RAPGEF4: variants seen among roughly 807,000 people sequenced by gnomAD.
RAPGEF4 encodes the protein RAP guanine-nucleotide-exchange factor (GEF) 4.
Under a neutral mutation model 147.9 loss-of-function variants are expected in RAPGEF4, and 66 were observed. That is an observed-to-expected ratio of 0.45 (90% CI 0.37 to 0.55). RAPGEF4 has a LOEUF of 0.55. RAPGEF4 is among the 20% of genes least tolerant of loss of function. The probability of loss-of-function intolerance (pLI) is 0.00; values close to 1 mark genes in which losing one functional copy is unlikely to be tolerated. For synonymous variants in RAPGEF4, 419 were observed against 442.7 expected (o/e 0.95, Z 0.67); for missense variants, 1,071 against 1,257.3 (o/e 0.85, Z 2.24).
At chr2:172,892,947 A>G (rs772771008) in intron 4 of RAPGEF4, among the ~76,000 whole-genome samples, 17 of 152,252 alleles carry the variant, frequency 1.1e-4, no homozygotes, top group South Asian at 4.1e-4. Context: ...CTTTAAACTG[A>G]TAAGTAAAAG....
intron 1 of RAPGEF4, among the ~76,000 whole-genome samples, chr2:172,770,647 T>C (rs1683456010): frequency 6.6e-6 from 1 of 152,194 alleles, no homozygotes; most frequent in African/African-American, 2.4e-5. Flanking sequence ...ACCCACAGCA[T>C]GTATTATGGT....
chr2:172,767,335 T>A (rs192740388), intron 1 of RAPGEF4, among the ~76,000 whole-genome samples: 1 of 152,086 alleles, frequency 6.6e-6, no homozygotes, highest in South Asian at 2.1e-4. Flanking sequence ...TGCGCCACCA[T>A]GCCCGGCTAG....
At chr2:172,735,465 A>C (rs983509492), upstream of RAPGEF4, 1 of 152,268 alleles carries the variant, frequency 6.6e-6, no homozygotes, top group Non-Finnish European at 1.5e-5. Context: ...TGGGTTTCTA[A>C]GGAAACAGAG....
intron 6 of RAPGEF4, among the ~76,000 whole-genome samples, chr2:172,937,767 G>C (rs10754979): frequency 0.81 from 123,021 of 152,066 alleles, 51,835 homozygotes; most frequent in East Asian, 0.98. Flanking sequence ...AGGGGGATTT[G>C]TCTCCTTTCC....
At chr2:172,795,941 A>T (rs906013140) in intron 2 of RAPGEF4, among the ~76,000 whole-genome samples, 13 of 152,212 alleles carry the variant, frequency 8.5e-5, no homozygotes, top group African/African-American at 2.9e-4. Context: ...ATTTACTGAT[A>T]CAAAAACATC....
intron 6 of RAPGEF4, among the ~76,000 whole-genome samples, chr2:172,933,555 T>A (rs977111032): frequency 4.0e-5 from 6 of 151,622 alleles, no homozygotes; most frequent in African/African-American, 1.5e-4. Flanking sequence ...GACTAGAGAG[T>A]GATAATGAGA....
intron 6 of RAPGEF4, among the ~76,000 whole-genome samples, chr2:172,924,886 A>G (rs994008921): frequency 3.3e-5 from 5 of 151,066 alleles, no homozygotes; most frequent in Admixed American, 3.3e-4. Flanking sequence ...TTATTTGTAG[A>G]AAAAAAAAAT....
At position 173,036,711 on chromosome 2, in the gene RAPGEF4, C is replaced by A. The variant is rs767070302; in HGVS notation, c.2853+19C>A. The stretch of plus-strand genomic sequence containing the variant: ...AAAAATGGTATGTGCAGTATTATAA[C>A]CTTAACCACAATGTGTTTTTAAAAT... On this transcript the variant is annotated intron_variant, in intron 29 of 30. Transcript: ENST00000397081. 8 of 1,536,906 alleles carry A rather than the reference C, an allele frequency of 5.2e-6. No homozygotes were observed. The highest frequency in any genetic ancestry group is 4.7e-5 in the South Asian group (4 of 84,410).
At chr2:172,963,763 T>A (rs1433643929) in intron 8 of RAPGEF4, among the ~76,000 whole-genome samples, 2 of 152,206 alleles carry the variant, frequency 1.3e-5, no homozygotes, top group Admixed American at 6.5e-5. Flanking sequence ...TCTCTCTCCC[T>A]CCTGCTTCTC....
At chr2:172,849,173 T>G (rs1481007000) in intron 4 of RAPGEF4, among the ~76,000 whole-genome samples, 1 of 152,160 alleles carries the variant, frequency 6.6e-6, no homozygotes, top group Non-Finnish European at 1.5e-5. Context: ...TTATTGATTT[T>G]ATGTAATTCC....
chr2:173,021,218 T>G (rs1188941197), intron 23 of RAPGEF4, among the ~76,000 whole-genome samples: 2 of 152,226 alleles, frequency 1.3e-5, no homozygotes, highest in Non-Finnish European at 2.9e-5. Flanking sequence ...CAGACAGATC[T>G]TTCTGTGAAG....
intron 4 of RAPGEF4, among the ~76,000 whole-genome samples, chr2:172,823,825 T>A (rs1231515111): frequency 2.0e-5 from 3 of 152,214 alleles, no homozygotes; most frequent in Non-Finnish European, 4.4e-5. Flanking sequence ...GTTGTTGATG[T>A]GGTTGAATGG....
chr2:172,944,488 A>G (rs1687486935), intron 6 of RAPGEF4, among the ~76,000 whole-genome samples: 1 of 152,180 alleles, frequency 6.6e-6, no homozygotes, highest in African/African-American at 2.4e-5. Context: ...TAGCACAGCG[A>G]GTCATGACTG....
chr2:172,927,087 A>G (rs1407739312), intron 6 of RAPGEF4, among the ~76,000 whole-genome samples: 1 of 152,216 alleles, frequency 6.6e-6, no homozygotes, highest in Non-Finnish European at 1.5e-5. Flanking sequence ...GAGATTACTT[A>G]AAGCAGGAGT....
chr2:172,765,292 TC>T (rs1696720347), intron 1 of RAPGEF4, among the ~76,000 whole-genome samples: 1 of 152,198 alleles, frequency 6.6e-6, no homozygotes, highest in Non-Finnish European at 1.5e-5. Context: ...AGACCCTCTT[TC>T]CAAATAAGGT....
chr2:172,821,768 G>A, intron 4 of RAPGEF4: 2 of 966,352 alleles, frequency 2.1e-6, no homozygotes, highest in South Asian at 4.8e-5. Flanking sequence ...AAAAGGAAGT[G>A]TTTTCTTATT....
chr2:172,756,966 A>G (rs1345339788), intron 1 of RAPGEF4, among the ~76,000 whole-genome samples: 4 of 152,218 alleles, frequency 2.6e-5, no homozygotes, highest in Non-Finnish European at 5.9e-5. Context: ...TCGGGGATGG[A>G]CCATTTCCCA....
intron 4 of RAPGEF4, among the ~76,000 whole-genome samples, chr2:172,828,103 C>T (rs1380908295): frequency 6.6e-6 from 1 of 152,012 alleles, no homozygotes; most frequent in African/African-American, 2.4e-5. Flanking sequence ...TTGTGGCCGT[C>T]AAGGATCTTG....
intron 4 of RAPGEF4, among the ~76,000 whole-genome samples, chr2:172,819,247 G>T (rs1342494064): frequency 6.6e-6 from 1 of 151,942 alleles, no homozygotes; most frequent in Non-Finnish European, 1.5e-5. Context: ...TGTTAAGTTT[G>T]TTCAGAGTTG....
Sources: gnomAD v4.1 joint callset for allele counts (sites outside exome capture counted in the v4.1 genomes callset) on GRCh38, gnomAD v4.1.1 for gene constraint, MANE v1.5 for transcripts, NCBI Gene and HGNC (gene_info 2026-07-23, HGNC 2026-07-21) for gene names.